KIAA1217: variants seen among roughly 807,000 people sequenced by gnomAD.
KIAA1217 encodes the protein sickle tail protein homolog.
In KIAA1217, 88 loss-of-function variants were observed where a neutral mutation model predicts 163.9. The ratio of observed to expected loss-of-function variants is 0.54; its 90% CI spans 0.45 to 0.64. The LOEUF is 0.64. Ranked by LOEUF, KIAA1217 falls within the 30% of genes least tolerant of loss-of-function variation. The pLI is 0.00. For synonymous variants in KIAA1217, 903 were observed against 923.1 expected (o/e 0.98, Z 0.39); for missense variants, 2,372 against 2,475.0 (o/e 0.96, Z 0.88).
At chr10:23,850,739 G>A (rs751001348) in intron 1 of KIAA1217, among the ~76,000 whole-genome samples, 25 of 152,094 alleles carry the variant, frequency 1.6e-4, no homozygotes, top group Non-Finnish European at 3.4e-4. Context: ...ATGAATAAAG[G>A]AGGTTTAATT....
intron 16 of KIAA1217, among the ~76,000 whole-genome samples, chr10:24,533,653 G>T (rs2073478774): frequency 6.6e-6 from 1 of 152,188 alleles, no homozygotes; most frequent in Admixed American, 6.5e-5. Context: ...CACTGACCTT[G>T]GATCATGGAC....
chr10:23,712,262 T>A (rs187382626), intron 1 of KIAA1217, among the ~76,000 whole-genome samples: 66 of 152,146 alleles, frequency 4.3e-4, no homozygotes, highest in Non-Finnish European at 5.9e-4. Flanking sequence ...TCTCCTTACA[T>A]CCCTAGCCCT....
chr10:24,102,754 T>C (rs2062466015), intron 2 of KIAA1217, among the ~76,000 whole-genome samples: 3 of 152,178 alleles, frequency 2.0e-5, no homozygotes, highest in Admixed American at 6.5e-5. Context: ...CACAAACATA[T>C]TCAACTGATC....
At chr10:24,294,450 C>T (rs1055966738) in intron 2 of KIAA1217, among the ~76,000 whole-genome samples, 3 of 152,174 alleles carry the variant, frequency 2.0e-5, no homozygotes, top group Non-Finnish European at 4.4e-5. Flanking sequence ...ACAACTGGCA[C>T]CTTCCCTGTC....
chr10:24,158,316 T>C, intron 2 of KIAA1217: 2 of 688,552 alleles, frequency 2.9e-6, no homozygotes, highest in Non-Finnish European at 5.5e-6. Context: ...CTCAAGGAGA[T>C]TCTTTGACTT....
chr10:24,164,634 G>A (rs1334471712), intron 2 of KIAA1217, among the ~76,000 whole-genome samples: 7 of 152,152 alleles, frequency 4.6e-5, no homozygotes, highest in Admixed American at 3.9e-4. Flanking sequence ...TTAGATAGTA[G>A]TGGAAAAGAA....
intron 2 of KIAA1217, among the ~76,000 whole-genome samples, chr10:24,361,582 G>T (rs1309219405): frequency 6.6e-6 from 1 of 152,172 alleles, no homozygotes; most frequent in African/African-American, 2.4e-5. Flanking sequence ...GCATGTGGTT[G>T]CCTGGTTTTG....
intron 10 of KIAA1217, among the ~76,000 whole-genome samples, chr10:24,518,601 G>C (rs888323764): frequency 6.6e-6 from 1 of 152,170 alleles, no homozygotes; most frequent in Non-Finnish European, 1.5e-5. Context: ...TTCCAGCAAA[G>C]CTTTGCAGGA....
chr10:23,847,626 G>A (rs761659232), intron 1 of KIAA1217, among the ~76,000 whole-genome samples: 1 of 151,666 alleles, frequency 6.6e-6, no homozygotes, highest in African/African-American at 2.4e-5. Flanking sequence ...TGTTATTCTG[G>A]CTATCGCTCT....
At chr10:24,346,453 C>T (rs1364173409) in intron 2 of KIAA1217, among the ~76,000 whole-genome samples, 1 of 151,474 alleles carries the variant, frequency 6.6e-6, no homozygotes, top group Non-Finnish European at 1.5e-5. Context: ...GCCTGGGGGA[C>T]AGAGCGAGAC....
At chr10:24,117,085 T>C (rs2063087296) in intron 2 of KIAA1217, among the ~76,000 whole-genome samples, 1 of 151,970 alleles carries the variant, frequency 6.6e-6, no homozygotes, top group Non-Finnish European at 1.5e-5. Context: ...TTGCCCAGGC[T>C]GGAGTGCAGT....
chr10:24,484,137 ATATATATG>A (rs906118394), intron 6 of KIAA1217, among the ~76,000 whole-genome samples: 10 of 143,752 alleles, frequency 7.0e-5, no homozygotes, highest in African/African-American at 1.9e-4. Context: ...ATTTATGTGT[ATATATATG>A]TATATATGTA....
intron 3 of KIAA1217, 115 bp downstream of exon 3, chr10:24,381,182 T>G (rs1175156238): frequency 1.3e-6 from 1 of 780,058 alleles, no homozygotes; most frequent in Admixed American, 4.0e-5. Flanking sequence ...TTGCAAATAC[T>G]CTAGTACTGG....
chr10:24,225,853 T>C (rs938204327), intron 2 of KIAA1217, among the ~76,000 whole-genome samples: 2 of 152,240 alleles, frequency 1.3e-5, no homozygotes, highest in Non-Finnish European at 2.9e-5. Flanking sequence ...ACCACCCATT[T>C]CTTCTTTCGC....
chr10:24,065,447 G>A (rs2060901942), intron 2 of KIAA1217, among the ~76,000 whole-genome samples: 1 of 152,114 alleles, frequency 6.6e-6, no homozygotes, highest in South Asian at 2.1e-4. Context: ...ATGTAGTTGA[G>A]CGGTTTTGAG....
At chr10:24,070,618 T>C (rs567683776) in intron 2 of KIAA1217, among the ~76,000 whole-genome samples, 1 of 152,328 alleles carries the variant, frequency 6.6e-6, no homozygotes, top group East Asian at 1.9e-4. Context: ...TCTTGCTTCT[T>C]GAAGAAACCC....
rs1210517177 is a variant in KIAA1217, at chr10:24,547,199, C to T, written c.*875C>T. The stretch of plus-strand genomic sequence containing the variant: ...TTTAAAATGTATACTCTGTACGGTT[C>T]TGTAAACCGAAAAACTTTTGTAAAT... On this transcript the variant is annotated 3_prime_UTR_variant, in exon 21 of 21. Transcript: ENST00000376454. 2 of 152,160 alleles carry T rather than the reference C, an allele frequency of 1.3e-5. No individual in the cohort carries two copies. The highest frequency in any genetic ancestry group is 2.1e-4 in the South Asian group (1 of 4,814). The allele number at this position is 152,160 out of a possible 1,614,324, so 9.4% of individuals were successfully genotyped here. A position where few individuals can be genotyped will look rare whatever the true frequency, so the allele number is the denominator to read the frequency against.
intron 3 of KIAA1217, among the ~76,000 whole-genome samples, chr10:24,390,859 G>C (rs2054828987): frequency 2.0e-5 from 3 of 152,128 alleles, no homozygotes; most frequent in Admixed American, 2.0e-4. Flanking sequence ...CATATATGAG[G>C]CTTGCTGAAA....
intron 6 of KIAA1217, among the ~76,000 whole-genome samples, chr10:24,475,376 C>T (rs2063901816): frequency 6.6e-6 from 1 of 152,176 alleles, no homozygotes; most frequent in Admixed American, 6.5e-5. Flanking sequence ...GTCTACCTTA[C>T]TGTTTTCACA....
Sources: allele counts gnomAD v4.1 joint callset (sites outside exome capture counted in the v4.1 genomes callset), GRCh38; gene constraint gnomAD v4.1.1; transcripts MANE v1.5; gene names NCBI Gene and HGNC (gene_info 2026-07-23, HGNC 2026-07-21).